The following USP6NL variants were observed in gnomAD, a reference collection of about 807,000 sequenced individuals.
USP6NL encodes the protein USP6 N-terminal like.
Under a neutral mutation model 61.9 loss-of-function variants are expected in USP6NL, and 26 were observed. That is an observed-to-expected ratio of 0.42 (90% CI 0.31 to 0.58). The LOEUF is 0.58. USP6NL is among the 20% of genes least tolerant of loss of function. USP6NL has a pLI of 0.16. For synonymous variants in USP6NL, 432 were observed against 390.1 expected (o/e 1.11, Z -1.27); for missense variants, 1,114 against 1,034.3 (o/e 1.08, Z -1.06).
Position 11,527,103 on chromosome 10 carries a change from G to A in USP6NL, c.72+397C>T, listed in dbSNP as rs180928997. ...CCTAGAATGTAGAGTCTCGGCAGGT[G>A]TACAGAGTGCTGAGGGTAGAATCAG... On this transcript the variant is annotated intron_variant, in intron 3 of 14. Coordinates refer to ENST00000609104, the MANE Select transcript of USP6NL (RefSeq NM_014688.5). 3.3e-3 allele frequency among the ~76,000 whole-genome samples: 496 copies of A among 152,144 alleles called. 2 individuals carry two copies. Among genetic ancestry groups the A allele is most frequent in the African/African-American group, 0.011 (460 of 41,478 alleles).
At chr10:11,471,464 T>C (rs1414145098) in intron 14 of USP6NL, among the ~76,000 whole-genome samples, 1 of 152,142 alleles carries the variant, frequency 6.6e-6, no homozygotes, top group East Asian at 1.9e-4. Context: ...GACCCAGCCA[T>C]CCCATTACTG....
Position 11,591,412 on chromosome 10 carries a change from A to C in USP6NL, c.4+6219T>G, listed in dbSNP as rs1226402729. Among the ~76,000 whole-genome samples, 1 of 152,180 alleles carries C rather than the reference A, an allele frequency of 6.6e-6. No homozygotes were observed. Among genetic ancestry groups the C allele is most frequent in the Non-Finnish European group, 1.5e-5 (1 of 68,028 alleles). ...ATAACAGGTCTATAAAAACTAGATA[A>C]ATATAGCTTTTGAAGAATAAAAATA... On this transcript the variant is annotated intron_variant, in intron 2 of 14. Transcript: ENST00000609104. This position sits in a 1 kb window ranked among gnomAD's most constrained non-coding sequence, Gnocchi z 4.7.
intron 2 of USP6NL, among the ~76,000 whole-genome samples, chr10:11,594,250 G>A (rs562305048): frequency 9.2e-5 from 14 of 152,010 alleles, no homozygotes; most frequent in Non-Finnish European, 1.8e-4. Context: ...AATTTCTTTC[G>A]CTAGAGAAAA....
intron 7 of USP6NL, among the ~76,000 whole-genome samples, chr10:11,493,890 C>T (rs909704854): frequency 5.3e-5 from 8 of 152,104 alleles, no homozygotes; most frequent in Non-Finnish European, 8.8e-5. Flanking sequence ...CCTGCCTGTG[C>T]GGCCTGACCT....
chr10:11,599,391 G>A (rs537660828), intron 1 of USP6NL, among the ~76,000 whole-genome samples: 76 of 152,258 alleles, frequency 5.0e-4, no homozygotes, highest in African/African-American at 6.0e-4. Flanking sequence ...CACCTTGTGC[G>A]ATGTAGCACA....
chr10:11,462,101 T>C lies in USP6NL; in HGVS notation c.*340A>G, dbSNP rs17457174. The C allele has an allele frequency of 9.9e-4, 242 of 243,912 alleles. 3 individuals are homozygous for C. Among genetic ancestry groups the C allele is most frequent in the Non-Finnish European group, 1.7e-3 (214 of 126,638 alleles). 15.1% of individuals were successfully genotyped at this position (243,912 alleles called of 1,614,324 possible). On this transcript the variant is annotated 3_prime_UTR_variant, in exon 15 of 15. Transcript: ENST00000609104. ...CAGTTTTTTCAGTACTTTGTAACAT[T>C]AGTCAAAATAGAATGAGCCAACAGA...
In USP6NL at chr10:11,584,037, A is replaced by T. The variant is rs1837884435; in HGVS notation, c.4+13594T>A. ...CAGCGAGACTCTGTCTCAAAAAAAG[A>T]AAAGGAAAAAAAGGCATTTAACACA... On this transcript the variant is annotated intron_variant, in intron 2 of 14. Coordinates refer to ENST00000609104, the MANE Select transcript of USP6NL (RefSeq NM_014688.5). 3.3e-5 allele frequency among the ~76,000 whole-genome samples: 5 copies of T among 152,240 alleles called. 1 individual carries two copies. The Middle Eastern group carries it at 0.01, about 311-fold the overall frequency.
chr10:11,472,328 T>C lies in USP6NL; in HGVS notation c.1079-8479A>G, dbSNP rs941245622. Reference sequence around the variant, plus strand: ...CTGCTTGATCTTACTCTGGTCTCTGTCACCCCCCAGTGGACGCCACACTCA... The same window carrying C: ...CTGCTTGATCTTACTCTGGTCTCTGCCACCCCCCAGTGGACGCCACACTCA... On this transcript the variant is annotated intron_variant, in intron 14 of 14. Transcript: ENST00000609104. Among the ~76,000 whole-genome samples the C allele has an allele frequency of 2.0e-5, 3 of 152,322 alleles. No homozygotes were observed. The East Asian group carries it at 5.8e-4, about 29-fold the overall frequency.
chr10:11,558,223 A>G (rs1249387069), intron 2 of USP6NL, among the ~76,000 whole-genome samples: 1 of 152,164 alleles, frequency 6.6e-6, no homozygotes, highest in Non-Finnish European at 1.5e-5. Context: ...TTGTCCCCCA[A>G]CTAAATGCCA....
At chr10:11,559,218 T>C (rs559540767) in intron 2 of USP6NL, among the ~76,000 whole-genome samples, 103 of 152,318 alleles carry the variant, frequency 6.8e-4, no homozygotes, top group Admixed American at 5.9e-4. Context: ...CTGAAGATTA[T>C]AAATAAATGT....
chr10:11,541,634 A>G (rs938974113), intron 2 of USP6NL, among the ~76,000 whole-genome samples: 3 of 152,174 alleles, frequency 2.0e-5, no homozygotes, highest in African/African-American at 7.2e-5. Context: ...AATGCCTTCA[A>G]GTCAATAGAA....
rs1835041087 is a variant in USP6NL, at chr10:11,518,274, C to A, written c.195+261G>T. ...CTGGGCAGCTGTGCTCTCAAAGCCT[C>A]TCTGTTCTGAAGCACGCCTAGCTCA... On this transcript the variant is annotated intron_variant, in intron 5 of 14. Transcript: ENST00000609104. The surrounding 1 kb of genome is among the most constrained non-coding windows in gnomAD (Gnocchi z 5.3). 6.6e-6 allele frequency among the ~76,000 whole-genome samples: 1 copy of A among 152,172 alleles called. No individual in the cohort carries two copies. Among genetic ancestry groups the A allele is most frequent in the Non-Finnish European group, 1.5e-5 (1 of 68,024 alleles).
chr10:11,576,460 A>T, intron 2 of USP6NL, among the ~76,000 whole-genome samples: 1 of 152,246 alleles, frequency 6.6e-6, no homozygotes, highest in East Asian at 1.9e-4. Context: ...TGATTAAATC[A>T]CAGGAGCAGA....
In USP6NL at chr10:11,596,801, T is replaced by C. The variant is rs1244504382; in HGVS notation, c.4+830A>G. ...CAATATTTTACAACAGCAGCGTCATTTTCACTTATCTACTGCCTAATTATT... is the reference window on the plus strand; with the variant it reads ...CAATATTTTACAACAGCAGCGTCATCTTCACTTATCTACTGCCTAATTATT... On this transcript the variant is annotated intron_variant, in intron 2 of 14. Coordinates refer to ENST00000609104, the MANE Select transcript of USP6NL (RefSeq NM_014688.5). The surrounding 1 kb of genome is among the most constrained non-coding windows in gnomAD (Gnocchi z 4.1). Among the ~76,000 whole-genome samples, 1 of 152,160 alleles carries C rather than the reference T, an allele frequency of 6.6e-6. No homozygotes were observed. The highest frequency in any genetic ancestry group is 2.4e-5 in the African/African-American group (1 of 41,448).
At position 11,485,217 on chromosome 10, in the gene USP6NL, G is replaced by A; in HGVS notation, c.777C>T (p.Tyr259=). 6.5e-7 allele frequency: 1 copy of A among 1,528,742 alleles called. No individual in the cohort carries two copies. The allele number at this position is 1,528,742 out of a possible 1,614,324, so 94.7% of individuals were successfully genotyped here. ...ACCATTTCATTGTGTAAAAACTTGT[G>A]TAGATTTCTTGAGAATCCTGAAAAA... ...LKQHLDSQEI[Y]TSFYTMKWFF... is the part of the protein sequence containing the mutation. Residue 259 remains tyrosine (Y), a synonymous_variant, in exon 12 of 15, where the codon TAC becomes TAT. Coordinates refer to ENST00000609104, the MANE Select transcript of USP6NL (RefSeq NM_014688.5). The surrounding 1 kb of genome is among the most constrained non-coding windows in gnomAD (Gnocchi z 4.8).
Position 11,491,631 on chromosome 10 carries a change from A to G in USP6NL, c.495-751T>C, listed in dbSNP as rs1408246600. 6.6e-6 allele frequency among the ~76,000 whole-genome samples: 1 copy of G among 152,200 alleles called. No individual in the cohort carries two copies. The highest frequency in any genetic ancestry group is 1.5e-5 in the Non-Finnish European group (1 of 68,038). Reference sequence around the variant, plus strand: ...GATTATCCTGATTACTAAGGGGAACATGGGTTGCTATGACACAACAGACAC... The same window carrying G: ...GATTATCCTGATTACTAAGGGGAACGTGGGTTGCTATGACACAACAGACAC... On this transcript the variant is annotated intron_variant, in intron 8 of 14. Coordinates refer to ENST00000609104, the MANE Select transcript of USP6NL (RefSeq NM_014688.5). This position sits in a 1 kb window ranked among gnomAD's most constrained non-coding sequence, Gnocchi z 4.7.
At chr10:11,484,360 TTA>T (rs1349255838) in intron 13 of USP6NL, among the ~76,000 whole-genome samples, 1 of 151,806 alleles carries the variant, frequency 6.6e-6, no homozygotes, top group Non-Finnish European at 1.5e-5. Context: ...TATAGAGCCC[TTA>T]AATATATTGC....
chr10:11,517,037 G>C (rs769237885), intron 5 of USP6NL, among the ~76,000 whole-genome samples: 3 of 152,288 alleles, frequency 2.0e-5, no homozygotes, highest in Middle Eastern at 3.4e-3. Context: ...GGAGAGAGAA[G>C]TCAATACTGG....
At chr10:11,501,406 GGA>G (rs1834187197) in intron 6 of USP6NL, among the ~76,000 whole-genome samples, 198 bp from the exon 7 acceptor site, 2 of 152,324 alleles carry the variant, frequency 1.3e-5, no homozygotes, top group South Asian at 4.1e-4. Context: ...AGACAAAGAA[GGA>G]GAGAGTATAA....
Sources: gnomAD v4.1 joint callset for allele counts (sites outside exome capture counted in the v4.1 genomes callset) on GRCh38, gnomAD v4.1.1 for gene constraint, Gnocchi (gnomAD v3.1) non-coding constraint, MANE v1.5 for transcripts, NCBI Gene and HGNC (gene_info 2026-07-23, HGNC 2026-07-21) for gene names.